The following PRKG1 variants were observed in gnomAD, a reference collection of about 807,000 sequenced individuals.
PRKG1 encodes the protein protein kinase cGMP-dependent 1.
Under a neutral mutation model 88.1 loss-of-function variants are expected in PRKG1, and 35 were observed. That is an observed-to-expected ratio of 0.40 (90% CI 0.30 to 0.53). The LOEUF (loss-of-function observed/expected upper bound fraction) is 0.53, where lower values mean the gene tolerates loss of function less well. Ranked by LOEUF, PRKG1 falls within the 20% of genes least tolerant of loss-of-function variation. The pLI, the probability that PRKG1 is intolerant of heterozygous loss-of-function variation, is 0.59. For synonymous variants in PRKG1, 303 were observed against 292.5 expected (o/e 1.04, Z -0.37); for missense variants, 540 against 839.8 (o/e 0.64, Z 4.41).
intron 1 of PRKG1, among the ~76,000 whole-genome samples, chr10:51,111,235 G>A (rs550103617): frequency 1.3e-5 from 2 of 152,186 alleles, no homozygotes; most frequent in Admixed American, 6.5e-5. Context: ...AAGTTACCTT[G>A]TTGATTTTTT....
chr10:52,066,018 C>T (rs1846346498), intron 7 of PRKG1, among the ~76,000 whole-genome samples: 1 of 152,166 alleles, frequency 6.6e-6, no homozygotes, highest in African/African-American at 2.4e-5. Context: ...ACCCCTTACC[C>T]CCATTTCCTC....
At chr10:51,060,279 GTTTA>G (rs2132782303) in intron 1 of PRKG1, among the ~76,000 whole-genome samples, 1 of 151,984 alleles carries the variant, frequency 6.6e-6, no homozygotes, top group East Asian at 1.9e-4. Flanking sequence ...AATCTGTTTA[GTTTA>G]TTTACTAATA....
chr10:51,498,497 G>A (rs1564523579), intron 3 of PRKG1, among the ~76,000 whole-genome samples: 1 of 152,140 alleles, frequency 6.6e-6, no homozygotes, highest in Non-Finnish European at 1.5e-5. Context: ...TTAAATTGGT[G>A]AAACTATGGG....
chr10:51,718,201 C>T (rs887324554), intron 3 of PRKG1, among the ~76,000 whole-genome samples: 2 of 152,160 alleles, frequency 1.3e-5, no homozygotes, highest in Non-Finnish European at 2.9e-5. Context: ...TAACTGGTTA[C>T]TTTGGAATAG....
At position 52,005,596 on chromosome 10, in the gene PRKG1, G is replaced by A. The variant is rs112328745; in HGVS notation, c.763-48888G>A. 9.2e-5 allele frequency among the ~76,000 whole-genome samples: 14 copies of A among 152,304 alleles called. 1 individual carries two copies. Among genetic ancestry groups the A allele is most frequent in the African/African-American group, 3.1e-4 (13 of 41,568 alleles). Reference sequence around the variant, plus strand: ...TGTTGTCCCAGTAAGCACATGGACAGTAACATGGGCATTTCCACCCACCCC... The same window carrying A: ...TGTTGTCCCAGTAAGCACATGGACAATAACATGGGCATTTCCACCCACCCC... On this transcript the variant is annotated intron_variant, in intron 5 of 17. Transcript: ENST00000373980.
At chr10:52,243,085 A>C (rs1840910274) in intron 9 of PRKG1, among the ~76,000 whole-genome samples, 1 of 152,168 alleles carries the variant, frequency 6.6e-6, no homozygotes, top group Admixed American at 6.5e-5. Context: ...CTGATATTTG[A>C]ATTTTTAAAA....
At chr10:51,542,468 T>C (rs1376616681) in intron 3 of PRKG1, among the ~76,000 whole-genome samples, 1 of 152,120 alleles carries the variant, frequency 6.6e-6, no homozygotes, top group East Asian at 1.9e-4. Context: ...CTGGGGTATA[T>C]CTCCTGTTCC....
At chr10:51,348,102 G>A (rs1842156919) in intron 2 of PRKG1, among the ~76,000 whole-genome samples, 1 of 151,826 alleles carries the variant, frequency 6.6e-6, no homozygotes, top group South Asian at 2.1e-4. Flanking sequence ...ACAAAGTTTG[G>A]GGAGAAAACA....
Position 52,134,041 on chromosome 10 carries a change from G to A in PRKG1, c.1001+136G>A, listed in dbSNP as rs79969716. On this transcript the variant is annotated intron_variant, in intron 8 of 17. Coordinates refer to ENST00000373980, the MANE Select transcript of PRKG1 (RefSeq NM_006258.4). ...TCATTTTTAAATGAATTCTGTATTT[G>A]TTTCTCATTCCCTATTCTTAAAAGT... The A allele has an allele frequency of 5.6e-3, 3,982 of 712,170 alleles. 88 individuals carry two copies. Among genetic ancestry groups the A allele is most frequent in the East Asian group, 0.048 (1,615 of 33,908 alleles). The allele number at this position is 712,170 out of a possible 1,614,324, so 44.1% of individuals were successfully genotyped here. A position where few individuals can be genotyped will look rare whatever the true frequency, so the allele number is the denominator to read the frequency against.
intron 4 of PRKG1, among the ~76,000 whole-genome samples, chr10:51,822,638 A>G (rs888241065): frequency 6.6e-6 from 1 of 152,158 alleles, no homozygotes; most frequent in Non-Finnish European, 1.5e-5. Flanking sequence ...GTGTCCCACC[A>G]GTTTCTCCTG....
At chr10:51,055,288 T>C (rs1487060093) in intron 1 of PRKG1, among the ~76,000 whole-genome samples, 2 of 152,134 alleles carry the variant, frequency 1.3e-5, no homozygotes, top group Non-Finnish European at 2.9e-5. Flanking sequence ...AAATCAGAGT[T>C]AGAGGAATTG....
intron 1 of PRKG1, among the ~76,000 whole-genome samples, chr10:51,001,819 A>C (rs1446216900): frequency 6.6e-6 from 1 of 152,198 alleles, no homozygotes; most frequent in Non-Finnish European, 1.5e-5. Context: ...CAGAAGTATA[A>C]TATTTAACAA....
intron 5 of PRKG1, among the ~76,000 whole-genome samples, chr10:51,998,530 G>C (rs754304121): frequency 2.6e-5 from 4 of 151,984 alleles, no homozygotes; most frequent in Non-Finnish European, 5.9e-5. Flanking sequence ...ACTGTATTTA[G>C]TTGTTTCCAA....
At chr10:51,189,639 GCC>G (rs1837581382) in intron 2 of PRKG1, among the ~76,000 whole-genome samples, 2 of 151,832 alleles carry the variant, frequency 1.3e-5, no homozygotes, top group Non-Finnish European at 1.5e-5. Flanking sequence ...TTTATTGAAT[GCC>G]TATTAAACAC....
At chr10:51,376,832 G>A (rs1334880722) in intron 2 of PRKG1, among the ~76,000 whole-genome samples, 1 of 151,996 alleles carries the variant, frequency 6.6e-6, no homozygotes, top group African/African-American at 2.4e-5. Flanking sequence ...CTGCCACAAC[G>A]CTCAGCTAAT....
intron 1 of PRKG1, among the ~76,000 whole-genome samples, chr10:51,082,236 C>G (rs777674354): frequency 8.5e-5 from 13 of 152,150 alleles, no homozygotes; most frequent in Non-Finnish European, 1.8e-4. Context: ...CCACTAGGCT[C>G]TCTTACTGCC....
intron 3 of PRKG1, among the ~76,000 whole-genome samples, chr10:51,728,449 C>CTTTTTTTTTTTTTTTTTT (rs201683049): frequency 6.9e-5 from 4 of 57,918 alleles, no homozygotes; most frequent in African/African-American, 1.4e-4. Flanking sequence ...TCCATTTTTT[C>CTTTTTTTTTTTTTTTTTT]TTTGTTTTTT....
chr10:51,587,414 C>T (rs1297707070), intron 3 of PRKG1, among the ~76,000 whole-genome samples: 1 of 152,164 alleles, frequency 6.6e-6, no homozygotes, highest in Admixed American at 6.5e-5. Flanking sequence ...AGGATTTTAA[C>T]TCCTTACCCA....
intron 3 of PRKG1, among the ~76,000 whole-genome samples, chr10:51,712,664 A>C (rs1330565700): frequency 1.5e-5 from 2 of 129,520 alleles, no homozygotes; most frequent in Admixed American, 1.0e-4. Context: ...GTCTCGGCTC[A>C]CTGCAATCTC....
Sources: allele counts gnomAD v4.1 joint callset (sites outside exome capture counted in the v4.1 genomes callset), GRCh38; gene constraint gnomAD v4.1.1; transcripts MANE v1.5; gene names NCBI Gene and HGNC (gene_info 2026-07-23, HGNC 2026-07-21).